Variants in LRFN2 observed in about 807,000 individuals in gnomAD.
LRFN2 encodes leucine rich repeat and fibronectin type III domain containing 2.
In LRFN2, 18 loss-of-function variants were observed where a neutral mutation model predicts 37.3. The ratio of observed to expected loss-of-function variants is 0.48; its 90% CI spans 0.33 to 0.72. The LOEUF (loss-of-function observed/expected upper bound fraction) is 0.72. Ranked by LOEUF, LRFN2 falls within the 30% of genes least tolerant of loss-of-function variation. The pLI is 0.02. For synonymous variants in LRFN2, 556 were observed against 466.6 expected, an observed-to-expected ratio of 1.19 and a Z score of -2.47; for missense variants, 1,006 against 1,060.7, an observed-to-expected ratio of 0.95 and a Z score of 0.72.
rs186281138 is a variant in LRFN2 at position 40,556,510 on chromosome 6, C to T, written c.-19+30431G>A. ...GTCACTCACAGAAGGAGCTCACCTG[C>T]ACCCTGATTCTGCAGAAGACTTTGC... On this transcript the variant is annotated intron_variant, in intron 1 of 2. Coordinates refer to ENST00000338305, the MANE Select transcript of LRFN2 (RefSeq NM_020737.3). Among the ~76,000 whole-genome samples, 19 of 152,224 alleles carry T rather than the reference C, an allele frequency of 1.2e-4. 1 individual carries two copies. The East Asian group carries it at 3.7e-3, about 30-fold the overall frequency.
intron 1 of LRFN2, among the ~76,000 whole-genome samples, chr6:40,439,447 C>A (rs1339310576): frequency 6.6e-6 from 1 of 152,194 alleles, no homozygotes; most frequent in Admixed American, 6.5e-5. Flanking sequence ...GAGGGACCAG[C>A]TCTGGAGAAA....
chr6:40,496,341 G>T (rs986093297), intron 1 of LRFN2, among the ~76,000 whole-genome samples: 2 of 152,150 alleles, frequency 1.3e-5, no homozygotes, highest in Non-Finnish European at 2.9e-5. Flanking sequence ...ACCGGAATCA[G>T]GTCAGGTCAG....
At chr6:40,498,502 T>C (rs951199662) in intron 1 of LRFN2, among the ~76,000 whole-genome samples, 10 of 152,200 alleles carry the variant, frequency 6.6e-5, no homozygotes, top group Non-Finnish European at 1.3e-4. Context: ...ACATACTTTT[T>C]TCCCCATATC....
At chr6:40,509,549 T>G (rs1276703247) in intron 1 of LRFN2, among the ~76,000 whole-genome samples, 1 of 152,066 alleles carries the variant, frequency 6.6e-6, no homozygotes, top group African/African-American at 2.4e-5. Context: ...TAGGGAACAC[T>G]GGGCTCCGCA....
intron 1 of LRFN2, among the ~76,000 whole-genome samples, chr6:40,488,918 C>A (rs1765028212): frequency 6.6e-6 from 1 of 152,134 alleles, no homozygotes; most frequent in Admixed American, 6.5e-5. Context: ...AGGAAGGGAA[C>A]TGACTCAGTC....
At chr6:40,405,902 C>T (rs773570134) in intron 2 of LRFN2, among the ~76,000 whole-genome samples, 3 of 152,150 alleles carry the variant, frequency 2.0e-5, no homozygotes, top group African/African-American at 7.2e-5. Context: ...GAGGATCACT[C>T]GTTGGGAGGC....
intron 1 of LRFN2, among the ~76,000 whole-genome samples, chr6:40,445,350 G>T (rs771634121): frequency 2.0e-5 from 3 of 152,158 alleles, no homozygotes; most frequent in African/African-American, 7.2e-5. Flanking sequence ...AGTTGGAATC[G>T]CAGTCCAGGT....
chr6:40,540,900 G>A (rs887814146), intron 1 of LRFN2, among the ~76,000 whole-genome samples: 1 of 152,144 alleles, frequency 6.6e-6, no homozygotes, highest in Non-Finnish European at 1.5e-5. Context: ...TGCTCTCAGG[G>A]CCAGAAGCGG....
chr6:40,483,817 A>C (rs1337977749), intron 1 of LRFN2, among the ~76,000 whole-genome samples: 1 of 152,136 alleles, frequency 6.6e-6, no homozygotes, highest in African/African-American at 2.4e-5. Flanking sequence ...AGGTTCTGAC[A>C]TTATATCCCA....
intron 2 of LRFN2, among the ~76,000 whole-genome samples, chr6:40,423,554 T>C (rs866060196): frequency 5.9e-5 from 9 of 152,204 alleles, no homozygotes; most frequent in Middle Eastern, 3.2e-3. Flanking sequence ...AATAAAGTGA[T>C]TTTCCCATTG....
At chr6:40,582,166 G>A (rs1412994813) in intron 1 of LRFN2, among the ~76,000 whole-genome samples, 1 of 152,154 alleles carries the variant, frequency 6.6e-6, no homozygotes, top group Non-Finnish European at 1.5e-5. Context: ...TGGGGTAGAG[G>A]AAGGGATGTG....
At position 40,432,333 on chromosome 6, in the gene LRFN2, C is replaced by A; in HGVS notation, c.781G>T (p.Asp261Tyr). 6.2e-7 allele frequency: 1 copy of A among 1,614,170 alleles called. No homozygotes were observed. The highest frequency in any genetic ancestry group is 8.5e-7 in the Non-Finnish European group (1 of 1,180,042). The change falls in exon 2 of 3, where the codon GAC (aspartate) becomes TAC (tyrosine). Residue 261 changes from aspartate (D) to tyrosine (Y), a missense_variant. By Grantham distance (160) the Asp-to-Tyr change is radical. Around this residue, in one of 4 missense-constraint regions of LRFN2, gnomAD observed 303 missense variants for 299.8 expected, o/e 1.01. Coordinates refer to ENST00000338305, the MANE Select transcript of LRFN2 (RefSeq NM_020737.3). ...LWLRRLERDDDLETCGSPGGL... is the reference protein window; with the variant it reads ...LWLRRLERDDYLETCGSPGGL... ...CCTGGGGAGCCACAGGTTTCCAGGT[C>A]ATCGTCCCGCTCGAGCCTCCGCAGC...
chr6:40,402,223 G>A (rs1325832472), intron 2 of LRFN2, among the ~76,000 whole-genome samples: 2 of 151,654 alleles, frequency 1.3e-5, no homozygotes, highest in African/African-American at 4.8e-5. Context: ...TCTGCATGCT[G>A]ACTGTATGAG....
chr6:40,562,623 A>G (rs1475018600), intron 1 of LRFN2, among the ~76,000 whole-genome samples: 3 of 152,152 alleles, frequency 2.0e-5, no homozygotes, highest in African/African-American at 7.2e-5. Context: ...CTGAAAACTT[A>G]AAGGACCCTT....
At chr6:40,450,139 G>A (rs552424034) in intron 1 of LRFN2, among the ~76,000 whole-genome samples, 47 of 152,232 alleles carry the variant, frequency 3.1e-4, no homozygotes, top group East Asian at 7.7e-4. Context: ...CTTTCCTTTC[G>A]ATGGTGCTGA....
chr6:40,490,122 G>A (rs1765054554), intron 1 of LRFN2, among the ~76,000 whole-genome samples: 1 of 152,250 alleles, frequency 6.6e-6, no homozygotes, highest in Non-Finnish European at 1.5e-5. Context: ...CAGGAGAGAA[G>A]TCAGACCCCG....
In LRFN2 at chr6:40,433,114, G is replaced by T; in HGVS notation, c.-1C>A. 6.6e-7 allele frequency: 1 copy of T among 1,519,536 alleles called. No individual in the cohort carries two copies. Among genetic ancestry groups the T allele is most frequent in the Non-Finnish European group, 8.8e-7 (1 of 1,135,490 alleles). The allele number at this position is 1,519,536 out of a possible 1,614,324, so 94.1% of individuals were successfully genotyped here. A position where few individuals can be genotyped will look rare whatever the true frequency, so the allele number is the denominator to read the frequency against. On this transcript the variant is annotated 5_prime_UTR_variant, in exon 2 of 3. Coordinates refer to ENST00000338305, the MANE Select transcript of LRFN2 (RefSeq NM_020737.3). ...GCAGGCCACCAAGCAGGGTCTCCAT[G>T]GTCTGGTCACTCAGCGCCTGGAAGG...
At chr6:40,554,935 C>A (rs571486246) in intron 1 of LRFN2, among the ~76,000 whole-genome samples, 3 of 152,284 alleles carry the variant, frequency 2.0e-5, no homozygotes, top group African/African-American at 4.8e-5. Flanking sequence ...TCTAACAAAG[C>A]CATTTTTAAT....
intron 1 of LRFN2, among the ~76,000 whole-genome samples, chr6:40,560,022 T>G (rs1054583903): frequency 1.3e-5 from 2 of 152,172 alleles, no homozygotes; most frequent in African/African-American, 4.8e-5. Context: ...TCCTGGAAAC[T>G]GCATCTCCTT....
Sources: allele counts gnomAD v4.1 joint callset (sites outside exome capture counted in the v4.1 genomes callset), GRCh38; gene constraint gnomAD v4.1.1; regional missense constraint gnomAD v4.1.1; transcripts MANE v1.5; gene names NCBI Gene and HGNC (gene_info 2026-07-23, HGNC 2026-07-21).